Variants in KNDC1 observed in about 807,000 individuals in gnomAD.
KNDC1 encodes kinase non-catalytic C-lobe domain-containing protein 1.
In KNDC1, 106 loss-of-function variants were observed where a neutral mutation model predicts 172.8. The ratio of observed to expected loss-of-function variants is 0.61; its 90% CI spans 0.52 to 0.72. KNDC1 has a LOEUF of 0.72. KNDC1 is among the 30% of genes least tolerant of loss of function. The pLI, the probability that KNDC1 is intolerant of heterozygous loss-of-function variation, is 0.00. For synonymous variants in KNDC1, 1,083 were observed against 1,062.2 expected (o/e 1.02, Z -0.38); for missense variants, 2,325 against 2,394.5 (o/e 0.97, Z 0.61).
chr10:133,181,834 C>CCACACACACACA (rs369062586), intron 3 of KNDC1, among the ~76,000 whole-genome samples: 31 of 138,890 alleles, frequency 2.2e-4, no homozygotes, highest in Middle Eastern at 3.8e-3. Context: ...CCAGGACCGT[C>CCACACACACACA]CACACACACA....
At chr10:133,199,660 G>A in intron 15 of KNDC1, 58 bp downstream of exon 15, 1 of 1,585,360 alleles carries the variant, frequency 6.3e-7, no homozygotes, top group Non-Finnish European at 8.6e-7. Flanking sequence ...CTGTGCCTGG[G>A]CTCTGCTGCC....
chr10:133,183,849 G>A (rs1354814214), intron 4 of KNDC1, 23 bp from the exon 5 acceptor site: 3 of 1,533,706 alleles, frequency 2.0e-6, no homozygotes, highest in African/African-American at 2.7e-5. Context: ...GAGCCTTCCT[G>A]TCTGAGGTGT....
intron 20 of KNDC1, among the ~76,000 whole-genome samples, chr10:133,208,747 G>A (rs1178917778): frequency 6.6e-6 from 1 of 152,154 alleles, no homozygotes; most frequent in Non-Finnish European, 1.5e-5. Context: ...TGCGGGAGAC[G>A]TCCGTGTGCG....
Position 133,206,549 on chromosome 10 carries a change from C to T in KNDC1, c.3388-136C>T. Reference sequence around the variant, plus strand: ...GGGCTGGCCTCGCTGGCTGAGTGGGCCTCTGTCTCCATGGGACCCTGCCCT... The same window carrying T: ...GGGCTGGCCTCGCTGGCTGAGTGGGTCTCTGTCTCCATGGGACCCTGCCCT... On this transcript the variant is annotated intron_variant, in intron 17 of 29. Transcript: ENST00000304613. The T allele has an allele frequency of 5.3e-6, 4 of 752,704 alleles. 1 individual carries two copies. In the South Asian group the frequency reaches 6.6e-5, roughly 12 times the overall value. 46.6% of individuals were successfully genotyped at this position (752,704 alleles called of 1,614,324 possible).
chr10:133,202,441 G>A (rs1410460943), intron 17 of KNDC1: 1 of 401,662 alleles, frequency 2.5e-6, no homozygotes, highest in African/African-American at 2.1e-5. Flanking sequence ...GGAGTCCTGG[G>A]TGCAGGAGAG....
Position 133,224,050 on chromosome 10 carries a change from C to A in KNDC1, c.5019-609C>A, listed in dbSNP as rs1177927067. Among the ~76,000 whole-genome samples the A allele has an allele frequency of 6.6e-6, 1 of 152,164 alleles. No homozygotes were observed. Among genetic ancestry groups the A allele is most frequent in the Non-Finnish European group, 1.5e-5 (1 of 68,048 alleles). ...GCGTGTGTGTGTGTGAGAGCCCATC[C>A]AGGCTTGGCCTTTCTTTGCCGTAAT... On this transcript the variant is annotated intron_variant, in intron 29 of 29. Transcript: ENST00000304613. This position sits in a 1 kb window ranked among gnomAD's most constrained non-coding sequence, Gnocchi z 5.4.
In KNDC1 at chr10:133,225,027, G is replaced by A. The variant is rs1268164205; in HGVS notation, c.*137G>A. On this transcript the variant is annotated 3_prime_UTR_variant, in exon 30 of 30. Transcript: ENST00000304613. Reference sequence around the variant, plus strand: ...GAACCCTGGGGAGCTGGACCAGGAGGTGGAGGCTCAGGGGACCCCATGGGG... The same window carrying A: ...GAACCCTGGGGAGCTGGACCAGGAGATGGAGGCTCAGGGGACCCCATGGGG... The A allele has an allele frequency of 1.4e-6, 1 of 706,600 alleles. No individual in the cohort carries two copies. Among genetic ancestry groups the A allele is most frequent in the Non-Finnish European group, 2.4e-6 (1 of 410,170 alleles). 43.8% of individuals were successfully genotyped at this position (706,600 alleles called of 1,614,324 possible).
At position 133,224,937 on chromosome 10, in the gene KNDC1, G is replaced by T; in HGVS notation, c.*47G>T. 6.7e-7 allele frequency: 1 copy of T among 1,498,944 alleles called. No individual in the cohort carries two copies. The allele number at this position is 1,498,944 out of a possible 1,614,324, so 92.9% of individuals were successfully genotyped here. A position where few individuals can be genotyped will look rare whatever the true frequency, so the allele number is the denominator to read the frequency against. On this transcript the variant is annotated 3_prime_UTR_variant, in exon 30 of 30. Coordinates refer to ENST00000304613, the MANE Select transcript of KNDC1 (RefSeq NM_152643.8). The surrounding 1 kb of genome is among the most constrained non-coding windows in gnomAD (Gnocchi z 5.4). ...AATTCCAGATCCGAATCCGACTGTG[G>T]GGGGCGGGCTGGGAGGTGGGAGCCG...
Position 133,186,398 on chromosome 10 carries a change from T to C in KNDC1, c.1050T>C (p.Asn350=), listed in dbSNP as rs1363462637. The C allele has an allele frequency of 6.2e-7, 1 of 1,612,592 alleles. No individual in the cohort carries two copies. Among genetic ancestry groups the C allele is most frequent in the African/African-American group, 1.3e-5 (1 of 74,906 alleles). Residue 350 remains asparagine, a synonymous_variant, in exon 6 of 30, where the codon AAT becomes AAC. Transcript: ENST00000304613. ...DPRKAFLDRK[N]GLSSFQAQPK... is the part of the protein sequence containing the mutation. Reference sequence around the variant, plus strand: ...GGAAGGCCTTTCTGGACAGGAAAAATGGCCTTTCTAGCTTCCAGGCTCAGC... The same window carrying C: ...GGAAGGCCTTTCTGGACAGGAAAAACGGCCTTTCTAGCTTCCAGGCTCAGC...
At chr10:133,218,984 T>TGGGTACCCGCACGGCCGCAGGA (rs1845526272) in intron 27 of KNDC1, 31 bp downstream of exon 27, 1 of 1,613,352 alleles carries the variant, frequency 6.2e-7, no homozygotes. Flanking sequence ...AAGGCGGGGG[T>TGGGTACCCGCACGGCCGCAGGA]GGGTACCCGC....
chr10:133,184,076 C>T (rs899845932), intron 5 of KNDC1, 87 bp downstream of exon 5: 4 of 715,060 alleles, frequency 5.6e-6, no homozygotes, highest in Middle Eastern at 3.2e-4. Context: ...GCAAACACAC[C>T]CATGCACACA....
At chr10:133,178,937 G>A (rs2135965209) in intron 3 of KNDC1, 1 of 152,340 alleles carries the variant, frequency 6.6e-6, no homozygotes, top group African/African-American at 2.4e-5. Flanking sequence ...ATCGACGCTG[G>A]GCAGCCGCAG....
rs567673132 is a variant in KNDC1, at chr10:133,217,311, C to G, written c.4678-1520C>G. On this transcript the variant is annotated intron_variant, in intron 26 of 29. Transcript: ENST00000304613. The stretch of plus-strand genomic sequence containing the variant: ...GAGACGTCAGCGTAGAAAGTGTATC[C>G]GGTAAACACTTCTCAAGCTCCTCTC... Among the ~76,000 whole-genome samples, 3 of 152,378 alleles carry G rather than the reference C, an allele frequency of 2.0e-5. No individual in the cohort carries two copies. In the East Asian group the frequency reaches 5.8e-4, roughly 29 times the overall value.
intron 16 of KNDC1, among the ~76,000 whole-genome samples, chr10:133,201,222 C>G (rs1265379916): frequency 1.3e-5 from 2 of 152,158 alleles, no homozygotes; most frequent in Non-Finnish European, 2.9e-5. Flanking sequence ...CCGGCCCCAC[C>G]CCGGGGCGAG....
rs1271611293 is a variant in KNDC1 at position 133,160,489 on chromosome 10, G to T, written c.22G>T (p.Ala8Ser). Residue 8 changes from alanine (A) to serine (S), a missense_variant, in exon 1 of 30, where the codon GCG becomes TCG. Coordinates refer to ENST00000304613, the MANE Select transcript of KNDC1 (RefSeq NM_152643.8). ...CAGGATGCAGGCCATGGACCCGGCC[G>T]CGGCGGATCTTTACGAGGAGGACGG... MQAMDPAAADLYEEDGKD... is the reference protein window; with the variant it reads MQAMDPASADLYEEDGKD... 1 of 1,585,288 alleles carries T rather than the reference G, an allele frequency of 6.3e-7. No homozygotes were observed. The highest frequency in any genetic ancestry group is 8.6e-7 in the Non-Finnish European group (1 of 1,167,892).
Position 133,211,787 on chromosome 10 carries a change from G to C in KNDC1, c.4165G>C (p.Glu1389Gln). 1 of 1,610,642 alleles carries C rather than the reference G, an allele frequency of 6.2e-7. No homozygotes were observed. Among genetic ancestry groups the C allele is most frequent in the Non-Finnish European group, 8.5e-7 (1 of 1,179,302 alleles). ...PRGTDLENPR[E>Q]AEEDARPFNA... Reference sequence around the variant, plus strand: ...CGGCACAGACCTGGAGAACCCCAGGGAGGCCGAGGAGGATGCCAGACCCTT... The same window carrying C: ...CGGCACAGACCTGGAGAACCCCAGGCAGGCCGAGGAGGATGCCAGACCCTT... Residue 1389 changes from glutamate to glutamine, a missense_variant, in exon 23 of 30, where the codon GAG (glutamate) becomes CAG (glutamine). Glu to Gln is a conservative substitution (Grantham distance 29). Transcript: ENST00000304613.
chr10:133,183,369 C>T lies in KNDC1; in HGVS notation c.386C>T (p.Thr129Met), dbSNP rs1468404329. 19 of 1,595,868 alleles carry T rather than the reference C, an allele frequency of 1.2e-5. No individual in the cohort carries two copies. The highest frequency in any genetic ancestry group is 3.9e-4 in the Middle Eastern group (2 of 5,076). The change falls in exon 4 of 30, where the codon ACG becomes ATG. Residue 129 changes from threonine (T) to methionine (M), a missense_variant. Physicochemically the swap from Thr to Met is moderately conservative, Grantham distance 81. Coordinates refer to ENST00000304613, the MANE Select transcript of KNDC1 (RefSeq NM_152643.8). ...GCGCACATCTACTCTCTGGGGGCCA[C>T]GCTGAAGGCCGCCCTCGAGTACGTG... ...FEAHIYSLGA[T>M]LKAALEYVAE...
rs1283688320 is a variant in KNDC1, at chr10:133,224,415, G to C, written c.5019-244G>C. 6.6e-6 allele frequency among the ~76,000 whole-genome samples: 1 copy of C among 152,154 alleles called. No individual in the cohort carries two copies. Among genetic ancestry groups the C allele is most frequent in the Non-Finnish European group, 1.5e-5 (1 of 68,040 alleles). ...GGACGCTCAGCAGGGACGAGCCTGA[G>C]CCTGCAGGGTTTCCATAAGCGTGTG... On this transcript the variant is annotated intron_variant, in intron 29 of 29. Coordinates refer to ENST00000304613, the MANE Select transcript of KNDC1 (RefSeq NM_152643.8). This position sits in a 1 kb window ranked among gnomAD's most constrained non-coding sequence, Gnocchi z 5.4.
At chr10:133,184,694 C>T (rs1853841290) in intron 5 of KNDC1, among the ~76,000 whole-genome samples, 1 of 152,276 alleles carries the variant, frequency 6.6e-6, no homozygotes, top group South Asian at 2.1e-4. Context: ...CTCTCATGTG[C>T]ATCATGTTGC....
Sources: allele counts gnomAD v4.1 joint callset (sites outside exome capture counted in the v4.1 genomes callset), GRCh38; gene constraint gnomAD v4.1.1; non-coding constraint Gnocchi (gnomAD v3.1); transcripts MANE v1.5; gene names NCBI Gene and HGNC (gene_info 2026-07-23, HGNC 2026-07-21).